The following GTSE1 variants were observed in gnomAD, a reference collection of about 807,000 sequenced individuals.
GTSE1 encodes the protein G2 and S-phase expressed 1.
GTSE1 carries 52 observed loss-of-function variants against 60.5 expected under a neutral mutation model. The observed-to-expected ratio is 0.86, with a 90% CI of 0.69 to 1.08. The LOEUF is 1.08. Ranked by LOEUF, GTSE1 falls within the 50% of genes least tolerant of loss-of-function variation. GTSE1 has a pLI of 0.00. For missense variants in GTSE1, 937 were observed against 961.8 expected (o/e 0.97, Z 0.34); for synonymous variants, 368 against 386.5 (o/e 0.95, Z 0.56).
intron 7 of GTSE1, among the ~76,000 whole-genome samples, chr22:46,322,096 A>T (rs1354794493): frequency 1.3e-5 from 2 of 150,510 alleles, no homozygotes; most frequent in Non-Finnish European, 3.0e-5. Context: ...AAAAAAAAAA[A>T]AAGAGCAGGA....
At chr22:46,315,552 T>C (rs918119470) in intron 6 of GTSE1, among the ~76,000 whole-genome samples, 1 of 152,246 alleles carries the variant, frequency 6.6e-6, no homozygotes, top group East Asian at 1.9e-4. Context: ...TAGCTCAGTA[T>C]GTATTACCCT....
chr22:46,301,249 C>T (rs2077687586), intron 2 of GTSE1, among the ~76,000 whole-genome samples: 1 of 152,180 alleles, frequency 6.6e-6, no homozygotes, highest in South Asian at 2.1e-4. Flanking sequence ...GCTTTCCACA[C>T]CTGTGAGTGT....
intron 2 of GTSE1, among the ~76,000 whole-genome samples, chr22:46,302,143 A>T (rs181797921): frequency 6.6e-6 from 1 of 152,186 alleles, no homozygotes; most frequent in Non-Finnish European, 1.5e-5. Context: ...GTAAATAAAG[A>T]AAAATAAAAA....
chr22:46,298,711 T>C (rs565047946), intron 2 of GTSE1, among the ~76,000 whole-genome samples: 2 of 152,208 alleles, frequency 1.3e-5, no homozygotes, highest in East Asian at 3.9e-4. Context: ...TGCACCCCTC[T>C]CCTCCTTCCT....
intron 2 of GTSE1, among the ~76,000 whole-genome samples, chr22:46,303,091 G>A (rs2077698244): frequency 6.6e-6 from 1 of 151,654 alleles, no homozygotes; most frequent in Non-Finnish European, 1.5e-5. Flanking sequence ...TAGTAGAGAT[G>A]GGGTTTCACC....
At chr22:46,299,863 G>A (rs2077679404) in intron 2 of GTSE1, among the ~76,000 whole-genome samples, 1 of 151,210 alleles carries the variant, frequency 6.6e-6, no homozygotes, top group Non-Finnish European at 1.5e-5. Flanking sequence ...CGTGATCTCG[G>A]CTTACTGCAA....
rs16995138 is a variant in GTSE1, at chr22:46,329,391, G to A, written c.1960G>A (p.Ala654Thr). 5.6e-3 allele frequency: 9,105 copies of A among 1,614,042 alleles called. 364 individuals carry two copies. The African/African-American group carries it at 0.097, about 17-fold the overall frequency. ...TGTAGATATCAAACTGGAACCACTC[G>A]CGGTCACTCCAGATGCTGCAAGCCA... ...LLVDIKLEPLAVTPDAASQPL... is the reference protein window; with the variant it reads ...LLVDIKLEPLTVTPDAASQPL... Residue 654 changes from alanine to threonine, a missense_variant, in exon 11 of 12, where the codon GCG (alanine) becomes ACG (threonine). Transcript: ENST00000454366. This position sits in a 1 kb window ranked among gnomAD's most constrained non-coding sequence, Gnocchi z 6.4.
rs2077708172 is a variant in GTSE1, at chr22:46,304,960, CAG to C, written c.80-3187_80-3186del. 6.6e-6 allele frequency among the ~76,000 whole-genome samples: 1 copy of C among 152,216 alleles called. No homozygotes were observed. Among genetic ancestry groups the C allele is most frequent in the Admixed American group, 6.5e-5 (1 of 15,284 alleles). On this transcript the variant is annotated intron_variant, in intron 2 of 11. Coordinates refer to ENST00000454366, the MANE Select transcript of GTSE1 (RefSeq NM_016426.7). The surrounding 1 kb of genome is among the most constrained non-coding windows in gnomAD (Gnocchi z 4.4). ...TACCACTGTACTCCAGCCTGGGTGA[CAG>C]AGCGAGACCCTGTCTCAAAAAAAGA...
intron 4 of GTSE1, 64 bp from the exon 5 acceptor site, chr22:46,312,077 C>T: frequency 7.3e-7 from 1 of 1,373,360 alleles, no homozygotes; most frequent in Non-Finnish European, 1.0e-6. Context: ...TGAATGGAAG[C>T]CTGAGTATCT....
chr22:46,330,339 G>A lies in GTSE1; in HGVS notation c.*209G>A, dbSNP rs1005101635. 19 of 502,834 alleles carry A rather than the reference G, an allele frequency of 3.8e-5. No individual in the cohort carries two copies. The highest frequency in any genetic ancestry group is 3.2e-4 in the East Asian group (9 of 27,922). The allele number at this position is 502,834 out of a possible 1,614,324, so 31.1% of individuals were successfully genotyped here. A position where few individuals can be genotyped will look rare whatever the true frequency, so the allele number is the denominator to read the frequency against. On this transcript the variant is annotated 3_prime_UTR_variant, in exon 12 of 12. Transcript: ENST00000454366. The surrounding 1 kb of genome is among the most constrained non-coding windows in gnomAD (Gnocchi z 6.0). ...CCTACAAAAAATACAAAAATTAGCC[G>A]GGTGTGGTAGTGCATGCCTGTAGTC...
At position 46,314,097 on chromosome 22, in the gene GTSE1, C is replaced by T. The variant is rs2077765020; in HGVS notation, c.1051+84C>T. ...GCTCAGGCCTTGGAGACTGTTTCTGCAGAACCACTTAGGCTTGGCAGGACG... is the reference window on the plus strand; with the variant it reads ...GCTCAGGCCTTGGAGACTGTTTCTGTAGAACCACTTAGGCTTGGCAGGACG... On this transcript the variant is annotated intron_variant, in intron 6 of 11. Coordinates refer to ENST00000454366, the MANE Select transcript of GTSE1 (RefSeq NM_016426.7). This position sits in a 1 kb window ranked among gnomAD's most constrained non-coding sequence, Gnocchi z 7.1. 2 of 1,539,000 alleles carry T rather than the reference C, an allele frequency of 1.3e-6. No individual in the cohort carries two copies. Among genetic ancestry groups the T allele is most frequent in the South Asian group, 1.1e-5 (1 of 89,260 alleles).
chr22:46,303,530 G>C (rs2077700906), intron 2 of GTSE1, among the ~76,000 whole-genome samples: 1 of 152,066 alleles, frequency 6.6e-6, no homozygotes, highest in Non-Finnish European at 1.5e-5. Flanking sequence ...TCCTTCCTTT[G>C]CCTGACTGTG....
intron 7 of GTSE1, among the ~76,000 whole-genome samples, chr22:46,322,249 T>A (rs566294916): frequency 5.3e-5 from 8 of 152,186 alleles, no homozygotes; most frequent in Non-Finnish European, 7.4e-5. Context: ...AGCTGTGCTG[T>A]TGCCAGAGAG....
chr22:46,329,090 G>C lies in GTSE1; in HGVS notation c.1926+201G>C, dbSNP rs2077861081. 11 of 619,638 alleles carry C rather than the reference G, an allele frequency of 1.8e-5. No individual in the cohort carries two copies. The East Asian group carries it at 3.0e-4, about 17-fold the overall frequency. The allele number at this position is 619,638 out of a possible 1,614,324, so 38.4% of individuals were successfully genotyped here. On this transcript the variant is annotated intron_variant, in intron 10 of 11. Coordinates refer to ENST00000454366, the MANE Select transcript of GTSE1 (RefSeq NM_016426.7). This position sits in a 1 kb window ranked among gnomAD's most constrained non-coding sequence, Gnocchi z 6.4. Reference sequence around the variant, plus strand: ...GGGAGAAAGCCCTGCATTTGACTAAGGCAAGGGTCAGGGATCAAAGCTGAG... The same window carrying C: ...GGGAGAAAGCCCTGCATTTGACTAACGCAAGGGTCAGGGATCAAAGCTGAG...
chr22:46,328,734 G>A lies in GTSE1; in HGVS notation c.1771G>A (p.Val591Met). The change falls in exon 10 of 12, where the codon GTG becomes ATG. Residue 591 changes from valine to methionine, a missense_variant. Physicochemically the swap from Val to Met is conservative, Grantham distance 21 (BLOSUM62 1). Transcript: ENST00000454366. ...CAACAGAAAGACAGATTCCAGGCTG[G>A]TGGATGTGTCCCCTGACAGGGGTTC... ...ESNRKTDSRLVDVSPDRGSPP... is the reference protein window; with the variant it reads ...ESNRKTDSRLMDVSPDRGSPP... The A allele has an allele frequency of 8.7e-6, 14 of 1,614,126 alleles. No homozygotes were observed. Among genetic ancestry groups the A allele is most frequent in the Non-Finnish European group, 1.2e-5 (14 of 1,179,934 alleles).
At chr22:46,328,953 C>T (rs759038668) in intron 10 of GTSE1, 64 bp downstream of exon 10, 10 of 1,325,800 alleles carry the variant, frequency 7.5e-6, no homozygotes, top group South Asian at 2.4e-5. Flanking sequence ...TCGGGAAGCC[C>T]GTGGAACCCA....
In GTSE1 at chr22:46,313,506, TTTGTTG is replaced by T. The variant is rs887677067; in HGVS notation, c.928-368_928-363del. 2.6e-5 allele frequency among the ~76,000 whole-genome samples: 4 copies of T among 152,216 alleles called. No individual in the cohort carries two copies. Among genetic ancestry groups the T allele is most frequent in the Admixed American group, 2.0e-4 (3 of 15,284 alleles). ...TTTTAAAATAGTAAAAACACCAACT[TTTGTTG>T]TTGTTGTTGTTGTTGAGACGGAGTC... On this transcript the variant is annotated intron_variant, in intron 5 of 11. Transcript: ENST00000454366. This position sits in a 1 kb window ranked among gnomAD's most constrained non-coding sequence, Gnocchi z 4.4.
At chr22:46,325,398 G>A (rs990729388) in intron 8 of GTSE1, among the ~76,000 whole-genome samples, 7 of 152,092 alleles carry the variant, frequency 4.6e-5, no homozygotes, top group South Asian at 2.1e-4. Flanking sequence ...GGGTTTCACC[G>A]TGTTAGCCAG....
chr22:46,301,333 C>T (rs1490090227), intron 2 of GTSE1, among the ~76,000 whole-genome samples: 1 of 152,130 alleles, frequency 6.6e-6, no homozygotes, highest in African/African-American at 2.4e-5. Flanking sequence ...ATAGGTACTG[C>T]CAGGCCCTCT....
Sources: gnomAD v4.1 joint callset for allele counts (sites outside exome capture counted in the v4.1 genomes callset) on GRCh38, gnomAD v4.1.1 for gene constraint, Gnocchi (gnomAD v3.1) non-coding constraint, MANE v1.5 for transcripts, NCBI Gene and HGNC (gene_info 2026-07-23, HGNC 2026-07-21) for gene names.